RBFOX1: variants seen among roughly 807,000 people sequenced by gnomAD.
RBFOX1 encodes RNA binding fox-1 homolog 1, also known as RNA binding protein fox-1 homolog 1.
RBFOX1 carries 8 observed loss-of-function variants against 57.7 expected under a neutral mutation model. The observed-to-expected ratio is 0.14, with a 90% confidence interval of 0.08 to 0.25. The LOEUF is 0.25. RBFOX1 is among the 10% of genes least tolerant of loss of function. The pLI is 1.00. For synonymous variants in RBFOX1, 326 were observed against 222.4 expected (o/e 1.47, Z -4.15); for missense variants, 611 against 548.5 (o/e 1.11, Z -1.14).
intron 4 of RBFOX1, among the ~76,000 whole-genome samples, chr16:7,487,147 G>T (rs370495708): frequency 6.6e-6 from 1 of 152,124 alleles, no homozygotes; most frequent in Admixed American, 6.5e-5. Context: ...TGATTTACCC[G>T]CCTCGGCCTC....
At chr16:6,706,005 A>C (rs2062671838) in intron 3 of RBFOX1, among the ~76,000 whole-genome samples, 1 of 152,166 alleles carries the variant, frequency 6.6e-6, no homozygotes, top group Non-Finnish European at 1.5e-5. Context: ...GTGAAAGAGC[A>C]AGACTCTGTC....
intron 3 of RBFOX1, among the ~76,000 whole-genome samples, chr16:6,670,612 A>G (rs1226477185): frequency 2.6e-5 from 4 of 152,354 alleles, no homozygotes; most frequent in East Asian, 1.9e-4. Context: ...TTAAAACCAT[A>G]TAATATACCA....
chr16:7,654,444 G>A (rs1167079583), intron 12 of RBFOX1, among the ~76,000 whole-genome samples: 2 of 152,184 alleles, frequency 1.3e-5, no homozygotes, highest in African/African-American at 4.8e-5. Context: ...TGAGTCACAT[G>A]CAAACATACA....
At chr16:6,458,264 G>T (rs1280548827) in intron 2 of RBFOX1, among the ~76,000 whole-genome samples, 1 of 116,750 alleles carries the variant, frequency 8.6e-6, no homozygotes, top group Non-Finnish European at 1.8e-5. Context: ...GACCACAGAG[G>T]GAGCATGCCT....
At chr16:5,548,246 G>T (rs1377262053) in intron 2 of RBFOX1, among the ~76,000 whole-genome samples, 1 of 145,346 alleles carries the variant, frequency 6.9e-6, no homozygotes, top group Non-Finnish European at 1.5e-5. Context: ...GAAGAAGGGA[G>T]GAAGAGTGGG....
At chr16:5,527,375 C>A (rs897713339) in intron 2 of RBFOX1, among the ~76,000 whole-genome samples, 2 of 152,222 alleles carry the variant, frequency 1.3e-5, no homozygotes, top group African/African-American at 4.8e-5. Flanking sequence ...GTCCTCCATG[C>A]TGTTTCTCTT....
chr16:5,444,430 C>G (rs2068179744), intron 1 of RBFOX1, among the ~76,000 whole-genome samples: 2 of 152,180 alleles, frequency 1.3e-5, no homozygotes, highest in African/African-American at 4.8e-5. Context: ...CAGTTGTAGA[C>G]AAACAGAGCA....
intron 10 of RBFOX1, among the ~76,000 whole-genome samples, chr16:7,617,956 G>C (rs574023370): frequency 6.6e-6 from 1 of 151,848 alleles, no homozygotes; most frequent in East Asian, 2.0e-4. Context: ...GTGGTTGGTA[G>C]GGTCCCAAGC....
chr16:7,135,501 T>C (rs1387211899), intron 4 of RBFOX1, among the ~76,000 whole-genome samples: 2 of 152,230 alleles, frequency 1.3e-5, no homozygotes, highest in East Asian at 3.8e-4. Flanking sequence ...GGGTGTGTTT[T>C]TGTAATGAGG....
At chr16:6,631,082 G>T (rs1345734976) in intron 2 of RBFOX1, among the ~76,000 whole-genome samples, 1 of 152,142 alleles carries the variant, frequency 6.6e-6, no homozygotes, top group Non-Finnish European at 1.5e-5. Context: ...GAGGGCATTT[G>T]GAGGGGGGTT....
intron 9 of RBFOX1, among the ~76,000 whole-genome samples, chr16:7,606,858 G>A (rs2095304482): frequency 6.6e-6 from 1 of 152,202 alleles, no homozygotes; most frequent in South Asian, 2.1e-4. Flanking sequence ...ACAATTGTTA[G>A]AATATATTGC....
At chr16:6,215,392 G>A (rs1316295618) in intron 1 of RBFOX1, among the ~76,000 whole-genome samples, 1 of 144,188 alleles carries the variant, frequency 6.9e-6, no homozygotes, top group Non-Finnish European at 1.5e-5. Flanking sequence ...AGGAGAGACA[G>A]AAGAAAACAG....
chr16:6,801,924 T>G (rs1467422672), intron 3 of RBFOX1, among the ~76,000 whole-genome samples: 1 of 152,146 alleles, frequency 6.6e-6, no homozygotes, highest in Non-Finnish European at 1.5e-5. Context: ...GACCTTCATC[T>G]GGACCTTCAG....
intron 3 of RBFOX1, among the ~76,000 whole-genome samples, chr16:5,838,894 G>A (rs1474928061): frequency 6.6e-6 from 1 of 152,178 alleles, no homozygotes; most frequent in African/African-American, 2.4e-5. Context: ...AACCCAGAGG[G>A]TAGTTTCCTT....
At chr16:7,128,112 A>G (rs1228004871) in intron 4 of RBFOX1, among the ~76,000 whole-genome samples, 1 of 152,200 alleles carries the variant, frequency 6.6e-6, no homozygotes, top group African/African-American at 2.4e-5. Context: ...CTTACTTTCT[A>G]TGAAATGGAC....
chr16:7,190,156 T>C (rs1487929196), intron 4 of RBFOX1, among the ~76,000 whole-genome samples: 1 of 151,964 alleles, frequency 6.6e-6, no homozygotes, highest in Non-Finnish European at 1.5e-5. Flanking sequence ...AGGTCAGGAG[T>C]TCGAGACCAG....
chr16:7,333,260 A>C (rs969149445), intron 4 of RBFOX1, among the ~76,000 whole-genome samples: 9 of 152,206 alleles, frequency 5.9e-5, no homozygotes, highest in Admixed American at 5.9e-4. Flanking sequence ...CTAGCTATCG[A>C]CATCTCTCAT....
At chr16:6,791,892 G>T (rs2083033266) in intron 3 of RBFOX1, among the ~76,000 whole-genome samples, 1 of 152,256 alleles carries the variant, frequency 6.6e-6, no homozygotes, top group East Asian at 1.9e-4. Context: ...AACTTTATAT[G>T]TGTTAAGTTA....
intron 15 of RBFOX1, chr16:7,710,081 G>T (rs75161800): frequency 1.0e-6 from 1 of 999,816 alleles, no homozygotes; most frequent in Non-Finnish European, 1.2e-6. Context: ...TGATTTGGAA[G>T]CATTGTTTTG....
Sources: gnomAD v4.1 joint callset for allele counts (sites outside exome capture counted in the v4.1 genomes callset) on GRCh38, gnomAD v4.1.1 for gene constraint, MANE v1.5 for transcripts, NCBI Gene and HGNC (gene_info 2026-07-23, HGNC 2026-07-21) for gene names.